Variants in PPP2R2D observed in about 807,000 individuals in gnomAD.
The protein encoded by PPP2R2D is serine/threonine-protein phosphatase 2A 55 kDa regulatory subunit B delta isoform.
PPP2R2D carries 9 observed loss-of-function variants against 31.1 expected under a neutral mutation model. That is an observed-to-expected ratio of 0.29 (90% confidence interval 0.17 to 0.51). The LOEUF is 0.51. Among genes scored for constraint, PPP2R2D ranks in the 20% least tolerant of loss-of-function variants. PPP2R2D has a pLI of 0.98. For synonymous variants in PPP2R2D, 179 were observed against 172.6 expected, an observed-to-expected ratio of 1.04 and a Z score of -0.29; for missense variants, 391 against 465.6, an observed-to-expected ratio of 0.84 and a Z score of 1.48.
chr10:131,901,410 G>A (rs1357636510), intron 2 of PPP2R2D, 80 bp downstream of exon 2: 2 of 341,664 alleles, frequency 5.9e-6, no homozygotes, highest in African/African-American at 4.3e-5. Flanking sequence ...CGGGCCCCAA[G>A]CGTCCGTGGA....
At chr10:131,937,410 A>G (rs1254420488) in intron 3 of PPP2R2D, among the ~76,000 whole-genome samples, 2 of 152,142 alleles carry the variant, frequency 1.3e-5, no homozygotes, top group African/African-American at 4.8e-5. Flanking sequence ...AGCACGTCCA[A>G]AAAGAGAAGG....
chr10:131,927,927 A>G (rs1298786096), intron 2 of PPP2R2D, among the ~76,000 whole-genome samples: 1 of 152,210 alleles, frequency 6.6e-6, no homozygotes, highest in African/African-American at 2.4e-5. Flanking sequence ...TGATGCACAT[A>G]TGTAGTTCTG....
Position 131,945,649 on chromosome 10 carries a change from A to G in PPP2R2D, c.820+190A>G, listed in dbSNP as rs562468588. The G allele has an allele frequency of 1.5e-6, 1 of 647,954 alleles. No homozygotes were observed. The highest frequency in any genetic ancestry group is 1.8e-5 in the African/African-American group (1 of 54,810). The allele number at this position is 647,954 out of a possible 1,614,324, so 40.1% of individuals were successfully genotyped here. ...TAGTTTTTGTATTTTTAGTACAGAC[A>G]GGGTTTCACCATGTTGACCAGACTG... On this transcript the variant is annotated intron_variant, in intron 7 of 8. Transcript: ENST00000455566. This position sits in a 1 kb window ranked among gnomAD's most constrained non-coding sequence, Gnocchi z 4.8.
intron 2 of PPP2R2D, among the ~76,000 whole-genome samples, chr10:131,932,160 C>T (rs566738146): frequency 6.6e-6 from 1 of 152,178 alleles, no homozygotes; most frequent in South Asian, 2.1e-4. Flanking sequence ...TTTGATGGGA[C>T]CCGGATGTTG....
At chr10:131,938,697 G>C (rs984912914) in intron 3 of PPP2R2D, among the ~76,000 whole-genome samples, 2 of 152,238 alleles carry the variant, frequency 1.3e-5, no homozygotes, top group Admixed American at 6.5e-5. Flanking sequence ...TGTGCAGCCT[G>C]CTTCACTTGT....
At chr10:131,914,704 A>C (rs948479128) in intron 2 of PPP2R2D, among the ~76,000 whole-genome samples, 1 of 152,232 alleles carries the variant, frequency 6.6e-6, no homozygotes, top group Non-Finnish European at 1.5e-5. Context: ...CAGCTTTTGC[A>C]GAAGAACGGT....
chr10:131,921,180 T>C (rs1333281271), intron 2 of PPP2R2D, among the ~76,000 whole-genome samples: 3 of 152,214 alleles, frequency 2.0e-5, no homozygotes, highest in Non-Finnish European at 4.4e-5. Context: ...CTTGCTAGTT[T>C]GACTGACTCT....
intron 8 of PPP2R2D, among the ~76,000 whole-genome samples, chr10:131,948,391 C>G (rs1275235922): frequency 6.6e-6 from 1 of 152,274 alleles, no homozygotes; most frequent in East Asian, 1.9e-4. Context: ...GGAAGATTGT[C>G]TTGCACCATT....
At chr10:131,907,554 CAG>C (rs1234090573) in intron 2 of PPP2R2D, among the ~76,000 whole-genome samples, 29 of 152,032 alleles carry the variant, frequency 1.9e-4, no homozygotes, top group Non-Finnish European at 4.0e-4. Context: ...TCCTGGCTAA[CAG>C]GGTGAAACCC....
intron 2 of PPP2R2D, among the ~76,000 whole-genome samples, chr10:131,906,887 G>A (rs2035596600): frequency 6.6e-6 from 1 of 151,874 alleles, no homozygotes. Flanking sequence ...GCTGCAATGA[G>A]CTATGATTGC....
rs2036570637 is a variant in PPP2R2D, at chr10:131,947,865, C to T, written c.1082+74C>T. On this transcript the variant is annotated intron_variant, in intron 8 of 8. Transcript: ENST00000455566. The surrounding 1 kb of genome is among the most constrained non-coding windows in gnomAD (Gnocchi z 4.3). ...GAGAGTGCAAGGTCAGTGAGGGAGGCGAGCTGTCCTCCAGCGTCAGAGGAG... is the reference window on the plus strand; with the variant it reads ...GAGAGTGCAAGGTCAGTGAGGGAGGTGAGCTGTCCTCCAGCGTCAGAGGAG... 9.6e-6 allele frequency: 15 copies of T among 1,561,934 alleles called. No individual in the cohort carries two copies. Among genetic ancestry groups the T allele is most frequent in the South Asian group, 7.1e-5 (6 of 84,584 alleles).
chr10:131,907,507 G>A (rs915251904), intron 2 of PPP2R2D, among the ~76,000 whole-genome samples: 18 of 152,112 alleles, frequency 1.2e-4, no homozygotes, highest in Non-Finnish European at 2.5e-4. Flanking sequence ...TTGGGAGGCC[G>A]AGGCGGGCGG....
At chr10:131,908,381 A>G (rs2035631171) in intron 2 of PPP2R2D, among the ~76,000 whole-genome samples, 1 of 152,134 alleles carries the variant, frequency 6.6e-6, no homozygotes, top group Non-Finnish European at 1.5e-5. Context: ...TCCCTGCTCC[A>G]GCTCCCCTCA....
At chr10:131,920,182 A>C (rs2035950086) in intron 2 of PPP2R2D, among the ~76,000 whole-genome samples, 1 of 137,136 alleles carries the variant, frequency 7.3e-6, no homozygotes, top group Admixed American at 7.4e-5. Flanking sequence ...GTTTGTAGGG[A>C]CCTGACGTGG....
intron 8 of PPP2R2D, among the ~76,000 whole-genome samples, chr10:131,952,732 C>T (rs111302233): frequency 3.3e-5 from 3 of 90,786 alleles, no homozygotes; most frequent in African/African-American, 9.8e-5. Context: ...GCGGGGTTCA[C>T]TGTCTTAGTG....
At chr10:131,920,176 G>C (rs879953208) in intron 2 of PPP2R2D, among the ~76,000 whole-genome samples, 3 of 150,314 alleles carry the variant, frequency 2.0e-5, no homozygotes, top group Admixed American at 2.0e-4. Flanking sequence ...CACAGTGTTT[G>C]TAGGGACCTG....
Position 131,957,774 on chromosome 10 carries a change from G to A in PPP2R2D, c.*1811G>A, listed in dbSNP as rs1179300413. The A allele has an allele frequency of 1.3e-5, 2 of 154,492 alleles. No homozygotes were observed. The highest frequency in any genetic ancestry group is 5.4e-5 in the African/African-American group (2 of 37,000). 9.6% of individuals were successfully genotyped at this position (154,492 alleles called of 1,614,324 possible). Reference sequence around the variant, plus strand: ...GGGTGTGCCAATCCCCCGCGCCCCTGTGGAGATGGAGGCGTGTGCTGATCC... The same window carrying A: ...GGGTGTGCCAATCCCCCGCGCCCCTATGGAGATGGAGGCGTGTGCTGATCC... On this transcript the variant is annotated 3_prime_UTR_variant, in exon 9 of 9. Coordinates refer to ENST00000455566, the MANE Select transcript of PPP2R2D (RefSeq NM_018461.5).
intron 2 of PPP2R2D, among the ~76,000 whole-genome samples, chr10:131,907,524 A>G (rs2035613499): frequency 6.6e-6 from 1 of 152,212 alleles, no homozygotes; most frequent in African/African-American, 2.4e-5. Context: ...GCGGATCACG[A>G]GGTCAGGAGA....
chr10:131,960,360 T>C (rs1439472020), downstream of PPP2R2D, among the ~76,000 whole-genome samples: 3 of 152,246 alleles, frequency 2.0e-5, no homozygotes, highest in Non-Finnish European at 4.4e-5. Context: ...TTTGCTGCTC[T>C]CTGGGCTGAT....
Sources: gnomAD v4.1 joint callset for allele counts (sites outside exome capture counted in the v4.1 genomes callset) on GRCh38, gnomAD v4.1.1 for gene constraint, Gnocchi (gnomAD v3.1) non-coding constraint, MANE v1.5 for transcripts, NCBI Gene and HGNC (gene_info 2026-07-23, HGNC 2026-07-21) for gene names.